Variants in TAF3 observed in about 807,000 individuals in gnomAD.
The protein encoded by TAF3 is transcription initiation factor TFIID subunit 3.
TAF3 carries 7 observed loss-of-function variants against 80.6 expected under a neutral mutation model. The observed-to-expected ratio is 0.09, with a 90% CI of 0.05 to 0.16. The LOEUF is 0.16. TAF3 is among the 10% of genes least tolerant of loss of function. TAF3 has a pLI of 1.00. For missense variants in TAF3, 921 were observed against 1,140.2 expected (o/e 0.81, Z 2.77); for synonymous variants, 444 against 446.1 (o/e 1.00, Z 0.06).
In TAF3 at chr10:7,841,916, A is replaced by G. The variant is rs181999783; in HGVS notation, c.409+17356A>G. Among the ~76,000 whole-genome samples the G allele has an allele frequency of 3.3e-5, 5 of 152,218 alleles. No individual in the cohort carries two copies. The East Asian group carries it at 9.6e-4, about 29-fold the overall frequency. ...AATCAGGTAGAGCTCAGGATTGTAA[A>G]ACATGACACGAACCTCGTACCCAGG... On this transcript the variant is annotated intron_variant, in intron 2 of 6. Transcript: ENST00000344293.
intron 2 of TAF3, among the ~76,000 whole-genome samples, chr10:7,870,127 G>T (rs1412708280): frequency 1.3e-5 from 2 of 152,226 alleles, no homozygotes; most frequent in East Asian, 1.9e-4. Flanking sequence ...TTAAGGACTC[G>T]CTCTAAAGAC....
At chr10:7,990,964 C>G (rs1831827871) in intron 4 of TAF3, among the ~76,000 whole-genome samples, 1 of 152,208 alleles carries the variant, frequency 6.6e-6, no homozygotes, top group African/African-American at 2.4e-5. Flanking sequence ...CTGGAGGAGA[C>G]AGAGGGCTGG....
intron 5 of TAF3, 47 bp from the exon 6 acceptor site, chr10:8,013,684 T>A (rs369220057): frequency 3.9e-5 from 60 of 1,548,398 alleles, no homozygotes; most frequent in Non-Finnish European, 5.3e-5. Flanking sequence ...TTTTTGTTTT[T>A]TTTCCCATTC....
At chr10:7,972,508 A>G (rs1831631016) in intron 3 of TAF3, among the ~76,000 whole-genome samples, 1 of 152,142 alleles carries the variant, frequency 6.6e-6, no homozygotes, top group Non-Finnish European at 1.5e-5. Context: ...TTCCTGTCAG[A>G]GGCATCTGTG....
intron 2 of TAF3, among the ~76,000 whole-genome samples, chr10:7,884,453 C>T (rs898497255): frequency 7.0e-6 from 1 of 142,024 alleles, no homozygotes; most frequent in Non-Finnish European, 1.5e-5. Context: ...GTGGTGCCAT[C>T]TCGGCTCACT....
chr10:7,946,150 A>G (rs1356849552), intron 2 of TAF3, among the ~76,000 whole-genome samples: 1 of 152,124 alleles, frequency 6.6e-6, no homozygotes, highest in Non-Finnish European at 1.5e-5. Flanking sequence ...AGATCAAACT[A>G]TTTTAAAACT....
chr10:7,897,994 A>C lies in TAF3; in HGVS notation c.410-65926A>C, dbSNP rs540097455. 3.9e-5 allele frequency among the ~76,000 whole-genome samples: 6 copies of C among 152,024 alleles called. No individual in the cohort carries two copies. The South Asian group carries it at 6.3e-4, about 16-fold the overall frequency. ...CTCTTTTGGAATTCTTATTGGTTGG[A>C]TGTTGAATCTCTTGAACTTTTAATA... On this transcript the variant is annotated intron_variant, in intron 2 of 6. Transcript: ENST00000344293.
chr10:7,999,739 G>T (rs560161364), intron 4 of TAF3, among the ~76,000 whole-genome samples: 1 of 152,300 alleles, frequency 6.6e-6, no homozygotes, highest in East Asian at 1.9e-4. Flanking sequence ...TTACAGGCGT[G>T]AGCCACCGTG....
At chr10:7,882,430 A>C (rs961490487) in intron 2 of TAF3, among the ~76,000 whole-genome samples, 1 of 152,200 alleles carries the variant, frequency 6.6e-6, no homozygotes, top group Non-Finnish European at 1.5e-5. Context: ...CAGGGATGAG[A>C]AAAGGAATCT....
chr10:7,923,415 G>T (rs1837785117), intron 2 of TAF3, among the ~76,000 whole-genome samples: 1 of 151,742 alleles, frequency 6.6e-6, no homozygotes, highest in Non-Finnish European at 1.5e-5. Flanking sequence ...TTTGGGGTGG[G>T]GTGGAACTTT....
At chr10:7,829,442 CT>C (rs1323117757) in intron 2 of TAF3, among the ~76,000 whole-genome samples, 1 of 152,136 alleles carries the variant, frequency 6.6e-6, no homozygotes, top group African/African-American at 2.4e-5. Context: ...TCTCCTTAGA[CT>C]TTTCTTGGCT....
At position 7,947,602 on chromosome 10, in the gene TAF3, G is replaced by C. The variant is rs144712858; in HGVS notation, c.410-16318G>C. ...AATACGAGAGAAGCAGCCGTGAGCCGACCTGGAGGAACAGCACTGGGGCTG... is the reference window on the plus strand; with the variant it reads ...AATACGAGAGAAGCAGCCGTGAGCCCACCTGGAGGAACAGCACTGGGGCTG... On this transcript the variant is annotated intron_variant, in intron 2 of 6. Coordinates refer to ENST00000344293, the MANE Select transcript of TAF3 (RefSeq NM_031923.4). Among the ~76,000 whole-genome samples the C allele has an allele frequency of 2.0e-5, 3 of 152,204 alleles. No homozygotes were observed. The South Asian group carries it at 6.2e-4, about 31-fold the overall frequency.
chr10:7,918,643 G>A (rs947809259), intron 2 of TAF3, among the ~76,000 whole-genome samples: 2 of 152,180 alleles, frequency 1.3e-5, no homozygotes, highest in African/African-American at 4.8e-5. Flanking sequence ...ACATCAGTCA[G>A]GAAGGGGCAA....
chr10:7,957,952 T>C (rs1201482827), intron 2 of TAF3, among the ~76,000 whole-genome samples: 1 of 145,722 alleles, frequency 6.9e-6, no homozygotes, highest in African/African-American at 2.5e-5. Flanking sequence ...TCTTGTAATA[T>C]TAAGCTTATG....
intron 5 of TAF3, among the ~76,000 whole-genome samples, chr10:8,011,060 C>A (rs2131442775): frequency 6.6e-6 from 1 of 152,258 alleles, no homozygotes; most frequent in East Asian, 1.9e-4. Context: ...AACACACAAA[C>A]ACACAACGAA....
At chr10:7,934,878 G>A (rs978117748) in intron 2 of TAF3, among the ~76,000 whole-genome samples, 4 of 152,198 alleles carry the variant, frequency 2.6e-5, no homozygotes, top group African/African-American at 7.2e-5. Flanking sequence ...CATGCGGCAG[G>A]CATGTTCTAG....
At chr10:7,932,815 A>G (rs975192822) in intron 2 of TAF3, among the ~76,000 whole-genome samples, 2 of 151,682 alleles carry the variant, frequency 1.3e-5, no homozygotes, top group African/African-American at 4.8e-5. Flanking sequence ...GTAGCTGGTA[A>G]TACAGATATG....
intron 4 of TAF3, among the ~76,000 whole-genome samples, chr10:7,999,868 G>A (rs1022308560): frequency 1.3e-5 from 2 of 152,106 alleles, no homozygotes; most frequent in Non-Finnish European, 2.9e-5. Flanking sequence ...CAACTTAGAC[G>A]CACTCGATTG....
chr10:7,996,185 G>A (rs1389455507), intron 4 of TAF3, among the ~76,000 whole-genome samples: 3 of 152,136 alleles, frequency 2.0e-5, no homozygotes, highest in Non-Finnish European at 4.4e-5. Context: ...TTCTGGCTCA[G>A]GTCTGTCTGC....
Sources: allele counts gnomAD v4.1 joint callset (sites outside exome capture counted in the v4.1 genomes callset), GRCh38; gene constraint gnomAD v4.1.1; transcripts MANE v1.5; gene names NCBI Gene and HGNC (gene_info 2026-07-23, HGNC 2026-07-21).